INPP5A: variants seen among roughly 807,000 people sequenced by gnomAD.
INPP5A encodes inositol polyphosphate-5-phosphatase A.
In INPP5A, 14 loss-of-function variants were observed where a neutral mutation model predicts 65.2. The observed-to-expected ratio is 0.21, with a 90% CI of 0.14 to 0.34. INPP5A has a LOEUF of 0.34. Ranked by LOEUF, INPP5A falls within the 10% of genes least tolerant of loss-of-function variation. INPP5A has a pLI of 1.00. For missense variants in INPP5A, 431 were observed against 545.6 expected, an observed-to-expected ratio of 0.79 and a Z score of 2.09; for synonymous variants, 207 against 208.3, an observed-to-expected ratio of 0.99 and a Z score of 0.05.
rs1393293099 is a variant in INPP5A, at chr10:132,547,882, GGGTGGGGACCAT to G, written c.75+9716_75+9727del. The stretch of plus-strand genomic sequence containing the variant: ...TGCTGGCCTTTGGCAGCAGCGTCTG[GGGTGGGGACCAT>G]GGTGTCTTTTTTAATTTTTTTTTTT... On this transcript the variant is annotated intron_variant, in intron 1 of 15. Transcript: ENST00000368594. The surrounding 1 kb of genome is among the most constrained non-coding windows in gnomAD (Gnocchi z 5.5). Among the ~76,000 whole-genome samples the G allele has an allele frequency of 6.6e-6, 1 of 151,942 alleles. No individual in the cohort carries two copies. The highest frequency in any genetic ancestry group is 2.4e-5 in the African/African-American group (1 of 41,344).
intron 4 of INPP5A, among the ~76,000 whole-genome samples, chr10:132,653,472 G>A (rs867314917): frequency 2.6e-5 from 4 of 152,222 alleles, no homozygotes; most frequent in South Asian, 2.1e-4. Flanking sequence ...AGGCCTGTAC[G>A]AGCTCTGGGG....
At chr10:132,605,528 G>A (rs536326638) in intron 1 of INPP5A, among the ~76,000 whole-genome samples, 50 of 151,944 alleles carry the variant, frequency 3.3e-4, no homozygotes, top group African/African-American at 8.4e-4. Flanking sequence ...TGGATCCCCT[G>A]GGGGATGTCC....
chr10:132,592,047 A>G (rs1388748003), intron 1 of INPP5A, among the ~76,000 whole-genome samples: 1 of 152,238 alleles, frequency 6.6e-6, no homozygotes, highest in East Asian at 1.9e-4. Context: ...AAATAATAAC[A>G]GTGAAAAGAC....
At position 132,753,626 on chromosome 10, in the gene INPP5A, G is replaced by A. The variant is rs537527990; in HGVS notation, c.903+3781G>A. 1 of 152,304 alleles carries A rather than the reference G, an allele frequency of 6.6e-6. No individual in the cohort carries two copies. The highest frequency in any genetic ancestry group is 2.1e-4 in the South Asian group (1 of 4,822). 9.4% of individuals were successfully genotyped at this position (152,304 alleles called of 1,614,324 possible). A position where few individuals can be genotyped will look rare whatever the true frequency, so the allele number is the denominator to read the frequency against. ...GGATGGAGTGCCCTGGTGAGGATTT[G>A]GAGAGATTAAATTTTCCTCGGCTGT... On this transcript the variant is annotated intron_variant, in intron 11 of 15. Transcript: ENST00000368594. The surrounding 1 kb of genome is among the most constrained non-coding windows in gnomAD (Gnocchi z 5.3).
At chr10:132,544,183 G>A (rs1283345437) in intron 1 of INPP5A, among the ~76,000 whole-genome samples, 1 of 152,242 alleles carries the variant, frequency 6.6e-6, no homozygotes, top group African/African-American at 2.4e-5. Context: ...ACAGCCATAA[G>A]TGCCATCTCT....
chr10:132,580,241 G>A (rs557752583), intron 1 of INPP5A, among the ~76,000 whole-genome samples: 1 of 152,338 alleles, frequency 6.6e-6, no homozygotes, highest in African/African-American at 2.4e-5. Context: ...TGTAACCCCA[G>A]TGTTGGGGGA....
chr10:132,777,186 T>C (rs1266952471), intron 12 of INPP5A, among the ~76,000 whole-genome samples: 1 of 152,190 alleles, frequency 6.6e-6, no homozygotes, highest in Non-Finnish European at 1.5e-5. Flanking sequence ...CCTGAGCACC[T>C]GGATGCTCCC....
In INPP5A at chr10:132,712,758, CTG is replaced by C. The variant is rs547273991; in HGVS notation, c.647+2306_647+2307del. ...TAGGTGTGTGTGTAGGTGCATGTGTCTGTGTATTTGGGTGTGTGCATGTGTGC... is the reference window on the plus strand; with the variant it reads ...TAGGTGTGTGTGTAGGTGCATGTGTCTGTATTTGGGTGTGTGCATGTGTGC... On this transcript the variant is annotated intron_variant, in intron 8 of 15. Coordinates refer to ENST00000368594, the MANE Select transcript of INPP5A (RefSeq NM_005539.5). Among the ~76,000 whole-genome samples, 612 of 137,212 alleles carry C rather than the reference CTG, an allele frequency of 4.5e-3. 2 individuals carry two copies. Among genetic ancestry groups the C allele is most frequent in the Non-Finnish European group, 5.8e-3 (366 of 63,308 alleles). The allele number at this position is 137,212 out of a possible 152,430, so 90.0% of individuals were successfully genotyped here.
intron 1 of INPP5A, among the ~76,000 whole-genome samples, chr10:132,561,967 C>T (rs905205693): frequency 3.3e-5 from 5 of 152,226 alleles, no homozygotes; most frequent in Non-Finnish European, 5.9e-5. Flanking sequence ...TAAAGCCTCC[C>T]TTGTGGGTTT....
rs1209437605 is a variant in INPP5A, at chr10:132,704,909, C to T, written c.475-3404C>T. Among the ~76,000 whole-genome samples the T allele has an allele frequency of 4.2e-5, 6 of 144,104 alleles. No homozygotes were observed. The highest frequency in any genetic ancestry group is 9.1e-5 in the Non-Finnish European group (6 of 65,820). The allele number at this position is 144,104 out of a possible 152,430, so 94.5% of individuals were successfully genotyped here. ...TGGAGTGTGGAGGATGGAGGAAGGG[C>T]GTCTGGACAGGCGGCAGGCAGCTCC... On this transcript the variant is annotated intron_variant, in intron 6 of 15. Coordinates refer to ENST00000368594, the MANE Select transcript of INPP5A (RefSeq NM_005539.5). The surrounding 1 kb of genome is among the most constrained non-coding windows in gnomAD (Gnocchi z 4.5).
At position 132,706,197 on chromosome 10, in the gene INPP5A, C is replaced by A. The variant is rs2134519655; in HGVS notation, c.475-2116C>A. Among the ~76,000 whole-genome samples, 1 of 152,272 alleles carries A rather than the reference C, an allele frequency of 6.6e-6. No homozygotes were observed. The highest frequency in any genetic ancestry group is 2.4e-5 in the African/African-American group (1 of 41,556). ...TTCATCTAAACATAGTCAAGACGGA[C>A]AAAGATTTGTGTTTGTTTGGTTGTT... On this transcript the variant is annotated intron_variant, in intron 6 of 15. Transcript: ENST00000368594. This position sits in a 1 kb window ranked among gnomAD's most constrained non-coding sequence, Gnocchi z 4.7.
intron 8 of INPP5A, among the ~76,000 whole-genome samples, chr10:132,712,334 GGT>G (rs1845653094): frequency 2.0e-5 from 3 of 151,928 alleles, no homozygotes; most frequent in Admixed American, 2.0e-4. Context: ...TGTGGGGGTG[GGT>G]GTGCGCACAT....
intron 1 of INPP5A, among the ~76,000 whole-genome samples, chr10:132,571,339 C>T (rs2071339873): frequency 6.6e-6 from 1 of 152,264 alleles, no homozygotes; most frequent in African/African-American, 2.4e-5. Context: ...CTGGGACCTG[C>T]CTACCCTCTC....
chr10:132,683,425 T>C (rs141532529), intron 4 of INPP5A, among the ~76,000 whole-genome samples: 2,241 of 152,354 alleles, frequency 0.015, 32 homozygotes, highest in South Asian at 0.039. Context: ...GGCACGTGTC[T>C]GCGGTGACAC....
At chr10:132,611,653 G>T (rs2071953267) in intron 2 of INPP5A, among the ~76,000 whole-genome samples, 1 of 135,446 alleles carries the variant, frequency 7.4e-6, no homozygotes, top group Non-Finnish European at 1.6e-5. Context: ...AGGTGAGGTG[G>T]GCAGGGGAGA....
At chr10:132,583,825 T>G (rs756048102) in intron 1 of INPP5A, among the ~76,000 whole-genome samples, 15 of 152,184 alleles carry the variant, frequency 9.9e-5, no homozygotes, top group Non-Finnish European at 1.9e-4. Flanking sequence ...TTTATTGCTG[T>G]AATCCCAGCA....
At chr10:132,719,254 G>A (rs1211008250) in intron 8 of INPP5A, among the ~76,000 whole-genome samples, 5 of 149,874 alleles carry the variant, frequency 3.3e-5, no homozygotes, top group African/African-American at 1.2e-4. Flanking sequence ...GGTTCTGTCT[G>A]GGCACCTTAG....
rs892496345 is a variant in INPP5A, at chr10:132,550,248, G to A, written c.75+12077G>A. On this transcript the variant is annotated intron_variant, in intron 1 of 15. Coordinates refer to ENST00000368594, the MANE Select transcript of INPP5A (RefSeq NM_005539.5). This position sits in a 1 kb window ranked among gnomAD's most constrained non-coding sequence, Gnocchi z 4.2. ...CACTGTTTAGGGTCAGAGTGGTCCC[G>A]CAGGTTAATTCACTTCACCCAGCCT... Among the ~76,000 whole-genome samples the A allele has an allele frequency of 9.2e-5, 14 of 152,180 alleles. No individual in the cohort carries two copies. The highest frequency in any genetic ancestry group is 5.8e-4 in the East Asian group (3 of 5,204).
Position 132,650,335 on chromosome 10 carries a change from C to T in INPP5A, c.219-83C>T. 1.1e-6 allele frequency: 1 copy of T among 877,138 alleles called. No individual in the cohort carries two copies. 54.3% of individuals were successfully genotyped at this position (877,138 alleles called of 1,614,324 possible). A position where few individuals can be genotyped will look rare whatever the true frequency, so the allele number is the denominator to read the frequency against. On this transcript the variant is annotated intron_variant, in intron 3 of 15. Coordinates refer to ENST00000368594, the MANE Select transcript of INPP5A (RefSeq NM_005539.5). This position sits in a 1 kb window ranked among gnomAD's most constrained non-coding sequence, Gnocchi z 5.5. ...ACGGTGATGTACCTATGTGCTGGAG[C>T]CCCTCTTATACCTTGTGGTCATCTC... is the stretch of plus-strand genomic sequence containing the variant.
Sources: gnomAD v4.1 joint callset for allele counts (sites outside exome capture counted in the v4.1 genomes callset) on GRCh38, gnomAD v4.1.1 for gene constraint, Gnocchi (gnomAD v3.1) non-coding constraint, MANE v1.5 for transcripts, NCBI Gene and HGNC (gene_info 2026-07-23, HGNC 2026-07-21) for gene names.